Variants in GPHN observed in about 807,000 individuals in gnomAD.
GPHN encodes the protein gephyrin.
Under a neutral mutation model 95.5 loss-of-function variants are expected in GPHN, and 17 were observed. That is an observed-to-expected ratio of 0.18 (90% CI 0.12 to 0.27). GPHN has a LOEUF of 0.27. GPHN is among the 10% of genes least tolerant of loss of function. The pLI is 1.00. For missense variants in GPHN, 660 were observed against 978.1 expected (o/e 0.67, Z 4.34); for synonymous variants, 320 against 322.5 (o/e 0.99, Z 0.08).
At chr14:66,871,303 T>A (rs2063424807) in intron 4 of GPHN, among the ~76,000 whole-genome samples, 1 of 152,224 alleles carries the variant, frequency 6.6e-6, no homozygotes, top group East Asian at 1.9e-4. Context: ...TCCCTTCATG[T>A]CCCTGAATAA....
intron 9 of GPHN, among the ~76,000 whole-genome samples, chr14:67,002,569 G>C (rs2072308739): frequency 6.6e-6 from 1 of 151,206 alleles, no homozygotes; most frequent in African/African-American, 2.4e-5. Context: ...ACTGTTTAAA[G>C]TTTGGGGCTA....
At chr14:66,535,927 A>G (rs903517514) in intron 1 of GPHN, among the ~76,000 whole-genome samples, 7 of 152,056 alleles carry the variant, frequency 4.6e-5, no homozygotes, top group Non-Finnish European at 2.9e-5. Context: ...TCCAGTCTTT[A>G]TAATTGTTTC....
At chr14:67,301,964 T>C in the GPHN span, 1 of 1,581,156 alleles carries the variant, frequency 6.3e-7, no homozygotes, top group Non-Finnish European at 8.6e-7. Context: ...TGGATTTCTT[T>C]GAAACAGGCA....
At chr14:66,774,867 T>C (rs1239505001) in intron 2 of GPHN, among the ~76,000 whole-genome samples, 4 of 152,242 alleles carry the variant, frequency 2.6e-5, no homozygotes, top group Admixed American at 2.6e-4. Flanking sequence ...AAAAGTATAC[T>C]TTATTTAAAA....
intron 9 of GPHN, among the ~76,000 whole-genome samples, chr14:67,000,773 T>C (rs566545032): frequency 2.0e-4 from 31 of 151,648 alleles, no homozygotes; most frequent in Non-Finnish European, 4.1e-4. Context: ...ACATACATAT[T>C]AGTAGCTAAT....
At chr14:67,207,958 C>T in the GPHN span, among the ~76,000 whole-genome samples, 1 of 152,094 alleles carries the variant, frequency 6.6e-6, no homozygotes, top group Non-Finnish European at 1.5e-5. Flanking sequence ...AGTGACAACA[C>T]GAGCTGGGGA....
chr14:67,493,137 C>A, the GPHN span, among the ~76,000 whole-genome samples: 2 of 152,202 alleles, frequency 1.3e-5, no homozygotes, highest in Non-Finnish European at 2.9e-5. Context: ...GAAAGTTAGA[C>A]AAGTTTGAGA....
chr14:67,625,747 AAG>A, the GPHN span, among the ~76,000 whole-genome samples: 1 of 150,476 alleles, frequency 6.6e-6, no homozygotes, highest in Non-Finnish European at 1.5e-5. Context: ...AAAAAAAAAA[AAG>A]AGAAAAGGTA....
chr14:67,225,407 G>A, the GPHN span: 5 of 512,562 alleles, frequency 9.8e-6, no homozygotes, highest in Non-Finnish European at 9.5e-6. Context: ...AAATGTTAGG[G>A]GTTTGTTGTG....
chr14:67,176,873 T>C (rs2082996389), intron 21 of GPHN, among the ~76,000 whole-genome samples: 1 of 152,240 alleles, frequency 6.6e-6, no homozygotes, highest in African/African-American at 2.4e-5. Flanking sequence ...TAGAGGTATT[T>C]ATAGTATTCT....
At chr14:67,158,077 CGGG>C (rs2081719704) in intron 18 of GPHN, among the ~76,000 whole-genome samples, 2 of 151,734 alleles carry the variant, frequency 1.3e-5, no homozygotes, top group African/African-American at 4.8e-5. Flanking sequence ...GAGGCCGAGA[CGGG>C]TGGATCACCT....
At chr14:67,415,956 AAC>A in the GPHN span, among the ~76,000 whole-genome samples, 1 of 152,158 alleles carries the variant, frequency 6.6e-6, no homozygotes, top group African/African-American at 2.4e-5. Flanking sequence ...GGAGGGGAAT[AAC>A]ACACACTGGG....
chr14:67,541,588 C>G, the GPHN span, among the ~76,000 whole-genome samples: 1 of 152,174 alleles, frequency 6.6e-6, no homozygotes, highest in Non-Finnish European at 1.5e-5. Flanking sequence ...ACTAGGTTCT[C>G]CTTAAGGTTT....
At chr14:67,005,424 T>A (rs1046290299) in intron 9 of GPHN, among the ~76,000 whole-genome samples, 45 of 152,058 alleles carry the variant, frequency 3.0e-4, no homozygotes, top group Admixed American at 2.8e-3. Context: ...ACTTGAGGGC[T>A]TTTTCTACAA....
chr14:67,438,290 C>A, the GPHN span, among the ~76,000 whole-genome samples: 4 of 152,204 alleles, frequency 2.6e-5, no homozygotes, highest in Non-Finnish European at 5.9e-5. Flanking sequence ...AGGAACCTGG[C>A]AAGCAGGGAG....
the GPHN span, among the ~76,000 whole-genome samples, chr14:67,527,440 A>G: frequency 6.6e-6 from 1 of 152,090 alleles, no homozygotes; most frequent in Non-Finnish European, 1.5e-5. Flanking sequence ...CTCCATCTCA[A>G]AAAAAAAGAT....
At chr14:67,055,184 T>C (rs1022290768) in intron 10 of GPHN, among the ~76,000 whole-genome samples, 9 of 152,156 alleles carry the variant, frequency 5.9e-5, no homozygotes, top group African/African-American at 1.9e-4. Context: ...ATTATTGCAA[T>C]CTATCCCTCA....
At chr14:66,867,672 G>C (rs190300599) in intron 4 of GPHN, among the ~76,000 whole-genome samples, 1 of 152,214 alleles carries the variant, frequency 6.6e-6, no homozygotes, top group Non-Finnish European at 1.5e-5. Flanking sequence ...CAGAAGTCAG[G>C]AAAATGTAAC....
the GPHN span, among the ~76,000 whole-genome samples, chr14:67,599,668 A>G: frequency 6.6e-6 from 1 of 152,196 alleles, no homozygotes; most frequent in Non-Finnish European, 1.5e-5. Context: ...AGACCCACTT[A>G]GTAGTTCCTT....
Sources: allele counts gnomAD v4.1 joint callset (sites outside exome capture counted in the v4.1 genomes callset), GRCh38; gene constraint gnomAD v4.1.1; transcripts MANE v1.5; gene names NCBI Gene and HGNC (gene_info 2026-07-23, HGNC 2026-07-21).